Variants in RBFOX1 observed in about 807,000 individuals in gnomAD.
RBFOX1 encodes the protein RNA binding protein fox-1 homolog 1.
RBFOX1 carries 8 observed loss-of-function variants against 57.7 expected under a neutral mutation model. The observed-to-expected ratio is 0.14, with a 90% CI of 0.08 to 0.25. RBFOX1 has a LOEUF of 0.25. Ranked by LOEUF, RBFOX1 falls within the 10% of genes least tolerant of loss-of-function variation. The pLI is 1.00. For missense variants in RBFOX1, 611 were observed against 548.5 expected (o/e 1.11, Z -1.14); for synonymous variants, 326 against 222.4 (o/e 1.47, Z -4.15).
At chr16:7,464,949 G>A (rs1236737860) in intron 4 of RBFOX1, among the ~76,000 whole-genome samples, 3 of 151,270 alleles carry the variant, frequency 2.0e-5, no homozygotes, top group East Asian at 1.9e-4. Flanking sequence ...AGTCCACCTC[G>A]GCCTCCCAAA....
chr16:7,698,350 C>T (rs1244843572), intron 14 of RBFOX1, among the ~76,000 whole-genome samples: 1 of 152,018 alleles, frequency 6.6e-6, no homozygotes, highest in African/African-American at 2.4e-5. Flanking sequence ...GTATGGGACA[C>T]AACCATGTGG....
At chr16:7,315,817 A>G (rs1394603452) in intron 4 of RBFOX1, among the ~76,000 whole-genome samples, 3 of 152,124 alleles carry the variant, frequency 2.0e-5, no homozygotes, top group East Asian at 1.9e-4. Context: ...TGAGTGTCTC[A>G]TTGTTTTTAA....
intron 4 of RBFOX1, among the ~76,000 whole-genome samples, chr16:7,216,433 T>A (rs2092059067): frequency 6.6e-6 from 1 of 152,080 alleles, no homozygotes; most frequent in Non-Finnish European, 1.5e-5. Flanking sequence ...GGGAGGAGGA[T>A]TGCTTGAGAC....
At chr16:6,001,764 A>T (rs772818027) in intron 4 of RBFOX1, among the ~76,000 whole-genome samples, 42 of 152,154 alleles carry the variant, frequency 2.8e-4, no homozygotes, top group African/African-American at 7.2e-5. Flanking sequence ...AGCTGGTACA[A>T]ATATATGACA....
chr16:7,392,613 C>G (rs568020381), intron 4 of RBFOX1, among the ~76,000 whole-genome samples: 14 of 152,276 alleles, frequency 9.2e-5, no homozygotes, highest in African/African-American at 3.1e-4. Context: ...GGGCTAGAGT[C>G]AGAGCCACTT....
At chr16:7,198,535 G>A (rs979430278) in intron 4 of RBFOX1, among the ~76,000 whole-genome samples, 27 of 152,178 alleles carry the variant, frequency 1.8e-4, no homozygotes, top group Admixed American at 7.2e-4. Context: ...ATCTAAGACT[G>A]GGTAACTTAA....
At chr16:5,313,417 G>A (rs1354645728) in intron 1 of RBFOX1, among the ~76,000 whole-genome samples, 2 of 152,148 alleles carry the variant, frequency 1.3e-5, no homozygotes, top group African/African-American at 4.8e-5. Flanking sequence ...AGTGGCTTAT[G>A]TTATTCACCA....
At chr16:5,457,728 C>G (rs1218772542) in intron 1 of RBFOX1, among the ~76,000 whole-genome samples, 1 of 152,230 alleles carries the variant, frequency 6.6e-6, no homozygotes, top group Admixed American at 6.5e-5. Context: ...GTTAGGTGCC[C>G]TGCTGGGGCC....
chr16:6,796,070 G>A (rs1182665695), intron 3 of RBFOX1, among the ~76,000 whole-genome samples: 1 of 152,108 alleles, frequency 6.6e-6, no homozygotes, highest in Non-Finnish European at 1.5e-5. Context: ...ACAAAAGAAA[G>A]AGGTTTATTA....
chr16:7,110,157 C>T (rs1421388237), intron 4 of RBFOX1, among the ~76,000 whole-genome samples: 2 of 146,162 alleles, frequency 1.4e-5, no homozygotes, highest in Non-Finnish European at 3.0e-5. Flanking sequence ...TGAGACCAGC[C>T]TGGGCAACAT....
intron 3 of RBFOX1, among the ~76,000 whole-genome samples, chr16:5,801,731 T>G (rs1307984926): frequency 6.6e-6 from 1 of 151,510 alleles, no homozygotes; most frequent in African/African-American, 2.4e-5. Flanking sequence ...TCTGGTGGGT[T>G]TATCCAACAA....
chr16:6,977,613 A>G (rs1300422627), intron 3 of RBFOX1, among the ~76,000 whole-genome samples: 4 of 152,126 alleles, frequency 2.6e-5, no homozygotes, highest in African/African-American at 9.7e-5. Context: ...GTGGACTCCA[A>G]GCTTCCAAAC....
chr16:6,962,137 T>C (rs1438860596), intron 3 of RBFOX1, among the ~76,000 whole-genome samples: 1 of 152,202 alleles, frequency 6.6e-6, no homozygotes, highest in Non-Finnish European at 1.5e-5. Context: ...CTCTGAAGTC[T>C]TGATAGGAGA....
chr16:7,340,970 C>A (rs1428091914), intron 4 of RBFOX1, among the ~76,000 whole-genome samples: 1 of 152,100 alleles, frequency 6.6e-6, no homozygotes, highest in Non-Finnish European at 1.5e-5. Flanking sequence ...GGTTGGAAGA[C>A]CTACGGATTT....
At chr16:7,289,422 CA>C (rs2095715321) in intron 4 of RBFOX1, among the ~76,000 whole-genome samples, 1 of 152,160 alleles carries the variant, frequency 6.6e-6, no homozygotes, top group African/African-American at 2.4e-5. Context: ...TTATCATCAT[CA>C]CCATCACCAT....
chr16:7,643,921 C>G lies in RBFOX1; in HGVS notation c.758-9894C>G, dbSNP rs115360732. 7.0e-3 allele frequency among the ~76,000 whole-genome samples: 1,067 copies of G among 152,256 alleles called. 10 individuals carry two copies. The highest frequency in any genetic ancestry group is 0.025 in the African/African-American group (1,021 of 41,528). ...CCCAACAAGAAGCATATTGAGATCTCTGGGAGGACTGTCAACAGATTCCCC... is the reference window on the plus strand; with the variant it reads ...CCCAACAAGAAGCATATTGAGATCTGTGGGAGGACTGTCAACAGATTCCCC... On this transcript the variant is annotated intron_variant, in intron 11 of 15. Coordinates refer to ENST00000550418, the MANE Select transcript of RBFOX1 (RefSeq NM_018723.4).
intron 4 of RBFOX1, among the ~76,000 whole-genome samples, chr16:7,411,389 TTCCTTCTCTAAATTTC>T (rs1291019568): frequency 6.6e-6 from 1 of 152,180 alleles, no homozygotes; most frequent in Non-Finnish European, 1.5e-5. Context: ...TTCTACACTC[TTCCTTCTCTAAATTTC>T]ACCCGGTCTT....
At chr16:7,271,034 A>G (rs1364949973) in intron 4 of RBFOX1, among the ~76,000 whole-genome samples, 1 of 152,100 alleles carries the variant, frequency 6.6e-6, no homozygotes, top group Non-Finnish European at 1.5e-5. Context: ...TTGCTGGGTA[A>G]TTTAAGCCTC....
At chr16:6,761,247 T>C (rs568100678) in intron 3 of RBFOX1, among the ~76,000 whole-genome samples, 13 of 152,228 alleles carry the variant, frequency 8.5e-5, no homozygotes, top group East Asian at 1.9e-4. Context: ...GAAAAAGTAA[T>C]CAATTTAATC....
Sources: gnomAD v4.1 joint callset for allele counts (sites outside exome capture counted in the v4.1 genomes callset) on GRCh38, gnomAD v4.1.1 for gene constraint, MANE v1.5 for transcripts, NCBI Gene and HGNC (gene_info 2026-07-23, HGNC 2026-07-21) for gene names.